SLC15A3: variants seen among roughly 807,000 people sequenced by gnomAD.
SLC15A3 encodes the protein solute carrier family 15 member 3.
Under a neutral mutation model 49.2 loss-of-function variants are expected in SLC15A3, and 39 were observed. The observed-to-expected ratio is 0.79, with a 90% CI of 0.61 to 1.04. The LOEUF is 1.04. Among genes scored for constraint, SLC15A3 ranks in the 50% least tolerant of loss-of-function variants. The probability of loss-of-function intolerance (pLI) is 0.00; values close to 1 mark genes in which losing one functional copy is unlikely to be tolerated. For synonymous variants in SLC15A3, 339 were observed against 367.0 expected (o/e 0.92, Z 0.87); for missense variants, 758 against 794.8 (o/e 0.95, Z 0.56).
At chr11:60,941,901 G>C in intron 4 of SLC15A3, 134 bp downstream of exon 4, 2 of 838,212 alleles carry the variant, frequency 2.4e-6, no homozygotes, top group Non-Finnish European at 3.9e-6. Context: ...CCACCCTCCA[G>C]GTGCTTTTCC....
intron 6 of SLC15A3, 25 bp from the exon 7 acceptor site, chr11:60,938,050 C>T: frequency 6.2e-7 from 1 of 1,610,836 alleles, no homozygotes; most frequent in Non-Finnish European, 8.5e-7. Flanking sequence ...CAGAGACGAT[C>T]TCAGGGGCTG....
At chr11:60,939,948 T>A (rs1163370941) in intron 5 of SLC15A3, 3 of 293,610 alleles carry the variant, frequency 1.0e-5, no homozygotes, top group East Asian at 1.4e-4. Flanking sequence ...GAAAGTGAAA[T>A]AACTAGCACT....
At chr11:60,942,473 G>A in intron 3 of SLC15A3, 1 of 239,478 alleles carries the variant, frequency 4.2e-6, no homozygotes, top group Admixed American at 5.0e-5. Flanking sequence ...GAAAGATAAT[G>A]GCTGCCCCCA....
rs533865798 is a variant in SLC15A3 at position 60,937,900 on chromosome 11, C to T, written c.1561G>A (p.Gly521Arg). Residue 521 changes from glycine (G) to arginine (R), a missense_variant, in exon 7 of 8, where the codon GGG becomes AGG. Gly to Arg is a moderately radical substitution (Grantham distance 125, BLOSUM62 -2). Around this residue, in one of 3 missense-constraint regions of SLC15A3, gnomAD observed 699 missense variants for 706.7 expected, o/e 0.99. Transcript: ENST00000227880. ...TCCTTGGGGCAGTGCAGCCAGCCCC[C>T]GGGCAAGGACAGCAGTGCCACTAGG... Reference protein sequence around the residue: ...SSLVALLSLPGGWLHCPKDFG... With the variant: ...SSLVALLSLPRGWLHCPKDFG... 176 of 1,614,144 alleles carry T rather than the reference C, an allele frequency of 1.1e-4. No homozygotes were observed. The highest frequency in any genetic ancestry group is 1.6e-4 in the East Asian group (7 of 44,886).
Position 60,946,612 on chromosome 11 carries a change from C to A in SLC15A3, c.768G>T (p.Pro256=). 1 of 1,613,470 alleles carries A rather than the reference C, an allele frequency of 6.2e-7. No individual in the cohort carries two copies. The highest frequency in any genetic ancestry group is 1.1e-5 in the South Asian group (1 of 91,040). Residue 256 remains proline, a synonymous_variant, in exon 2 of 8, where the codon CCG becomes CCT. Transcript: ENST00000227880. ...FATPVFITKP[P]MGSQVSSMLK... ...GCATAGAGGACACTTGGCTGCCCAT[C>A]GGGGGCTTGGTGATGAAGACGGGGG...
chr11:60,950,985 G>A lies in SLC15A3; in HGVS notation c.558+9C>T. The stretch of plus-strand genomic sequence containing the variant: ...CGGAGTATGCCGGGGCAGGCCTCCT[G>A]CCACTCACCTGGTCGGCACCGAAGG... On this transcript the variant is annotated intron_variant, in intron 1 of 7. Transcript: ENST00000227880. 7.0e-7 allele frequency: 1 copy of A among 1,435,844 alleles called. No homozygotes were observed. Among genetic ancestry groups the A allele is most frequent in the Non-Finnish European group, 9.1e-7 (1 of 1,101,632 alleles). The allele number at this position is 1,435,844 out of a possible 1,614,324, so 88.9% of individuals were successfully genotyped here. A position where few individuals can be genotyped will look rare whatever the true frequency, so the allele number is the denominator to read the frequency against.
At position 60,951,478 on chromosome 11, in the gene SLC15A3, C is replaced by A; in HGVS notation, c.74G>T (p.Arg25Leu). ...CGCCCGCCGCCACCGTCGAGGGCCCCGCGCACCGCGAGGCAGCAGCGGCTG... is the reference window on the plus strand; with the variant it reads ...CGCCCGCCGCCACCGTCGAGGGCCCAGCGCACCGCGAGGCAGCAGCGGCTG... ...ERQPLLPRGARGPRRWRRAAG... is the reference protein window; with the variant it reads ...ERQPLLPRGALGPRRWRRAAG... The change falls in exon 1 of 8, where the codon CGG (arginine) becomes CTG (leucine). Residue 25 changes from arginine to leucine, a missense_variant. Arg to Leu is a moderately radical substitution (Grantham distance 102). This residue lies in a region of SLC15A3 where 31 missense variants were observed against 58.4 expected (regional missense o/e 0.53). Transcript: ENST00000227880. 7.5e-7 allele frequency: 1 copy of A among 1,325,322 alleles called. No homozygotes were observed. Among genetic ancestry groups the A allele is most frequent in the Non-Finnish European group, 9.7e-7 (1 of 1,034,476 alleles). 82.1% of individuals were successfully genotyped at this position (1,325,322 alleles called of 1,614,324 possible).
intron 1 of SLC15A3, among the ~76,000 whole-genome samples, chr11:60,947,622 C>T (rs762627406): frequency 6.6e-6 from 1 of 152,178 alleles, no homozygotes; most frequent in Non-Finnish European, 1.5e-5. Context: ...AGCAGAGAAG[C>T]CTACTGTGAC....
chr11:60,950,995 T>TCCTTC lies in SLC15A3; in HGVS notation c.556_557insGAAGG (p.Gln186ArgfsTer4). ...CGGGGCAGGCCTCCTGCCACTCACC[T>TCCTTC]GGTCGGCACCGAAGGAGGTGAGGTT... On this transcript the variant is annotated frameshift_variant and splice_region_variant, in exon 1 of 8. Coordinates refer to ENST00000227880, the MANE Select transcript of SLC15A3 (RefSeq NM_016582.3). LOFTEE classifies it high-confidence loss of function. The TCCTTC allele has an allele frequency of 6.8e-7, 1 of 1,464,288 alleles. No individual in the cohort carries two copies. 90.7% of individuals were successfully genotyped at this position (1,464,288 alleles called of 1,614,324 possible).
chr11:60,937,547 T>C (rs1008794174), intron 7 of SLC15A3, 174 bp from the exon 8 acceptor site: 2 of 838,544 alleles, frequency 2.4e-6, no homozygotes, highest in Admixed American at 4.2e-5. Context: ...TCTCCAGGGG[T>C]GTCTACAATT....
rs1316149817 is a variant in SLC15A3 at position 60,937,177 on chromosome 11, C to T, written c.*42G>A. 3.8e-6 allele frequency: 6 copies of T among 1,582,924 alleles called. No individual in the cohort carries two copies. The highest frequency in any genetic ancestry group is 4.3e-6 in the Non-Finnish European group (5 of 1,161,254). On this transcript the variant is annotated 3_prime_UTR_variant, in exon 8 of 8. Transcript: ENST00000227880. The stretch of plus-strand genomic sequence containing the variant: ...AAACCAGAGCTGGGACTGCTGCCGT[C>T]TGTCCGGTAGAGTGAAGCAAGGGGG...
intron 6 of SLC15A3, among the ~76,000 whole-genome samples, chr11:60,938,690 C>G (rs531197775): frequency 6.2e-4 from 95 of 152,296 alleles, no homozygotes; most frequent in South Asian, 4.1e-3. Context: ...CTATCCCCCA[C>G]GCTTCCCAAA....
At chr11:60,939,898 G>A in intron 5 of SLC15A3, 1 of 468,592 alleles carries the variant, frequency 2.1e-6, no homozygotes, top group Non-Finnish European at 3.8e-6. Flanking sequence ...TGGAGAACCT[G>A]TTATGTGCTA....
intron 1 of SLC15A3, among the ~76,000 whole-genome samples, chr11:60,949,286 G>A (rs1390072854): frequency 7.9e-5 from 12 of 151,768 alleles, no homozygotes; most frequent in Admixed American, 7.9e-4. Context: ...GCAGTGATCT[G>A]AGATCGCACC....
chr11:60,939,343 T>C (rs555157), intron 6 of SLC15A3, 137 bp downstream of exon 6: 35,639 of 1,034,554 alleles, frequency 0.034, 1,568 homozygotes, highest in African/African-American at 0.19. Context: ...GTTGGGTGAA[T>C]GAGCCCTGGT....
At chr11:60,949,508 GAAAGAAA>G (rs1856866073) in intron 1 of SLC15A3, among the ~76,000 whole-genome samples, 5 of 47,736 alleles carry the variant, frequency 1.0e-4, no homozygotes, top group African/African-American at 2.6e-4. Context: ...AAGAAGGAAA[GAAAGAAA>G]GAAAGAAAGA....
chr11:60,949,710 T>C (rs1353638189), intron 1 of SLC15A3, among the ~76,000 whole-genome samples: 1 of 152,236 alleles, frequency 6.6e-6, no homozygotes, highest in African/African-American at 2.4e-5. Context: ...AAACGATCCT[T>C]TTGAAAAATG....
intron 2 of SLC15A3, among the ~76,000 whole-genome samples, chr11:60,944,697 C>A (rs538808693): frequency 1.3e-5 from 2 of 152,138 alleles, no homozygotes; most frequent in Non-Finnish European, 2.9e-5. Context: ...CCAAAATTCC[C>A]CCCCCTTGCT....
At chr11:60,948,222 TG>T (rs1373555469) in intron 1 of SLC15A3, among the ~76,000 whole-genome samples, 1 of 152,028 alleles carries the variant, frequency 6.6e-6, no homozygotes, top group Non-Finnish European at 1.5e-5. Flanking sequence ...CTCCTGGAAG[TG>T]GGGAGGGAGG....
Sources: allele counts gnomAD v4.1 joint callset (sites outside exome capture counted in the v4.1 genomes callset), GRCh38; gene constraint gnomAD v4.1.1; regional missense constraint gnomAD v4.1.1; transcripts MANE v1.5; gene names NCBI Gene and HGNC (gene_info 2026-07-23, HGNC 2026-07-21).